POC1B: variants seen among roughly 807,000 people sequenced by gnomAD.
POC1B encodes POC1 centriolar protein homolog B.
A neutral mutation model predicts 60.6 loss-of-function variants in POC1B; 44 were observed. The ratio of observed to expected loss-of-function variants is 0.73; its 90% CI spans 0.57 to 0.93. The LOEUF is 0.93. Ranked by LOEUF, POC1B falls within the 40% of genes least tolerant of loss-of-function variation. The pLI, the probability that POC1B is intolerant of heterozygous loss-of-function variation, is 0.00. For missense variants in POC1B, 555 were observed against 572.3 expected, an observed-to-expected ratio of 0.97 and a Z score of 0.31; for synonymous variants, 180 against 198.9, an observed-to-expected ratio of 0.90 and a Z score of 0.80.
intron 7 of POC1B, among the ~76,000 whole-genome samples, chr12:89,469,620 T>G (rs561570913): frequency 1.3e-5 from 2 of 152,068 alleles, no homozygotes; most frequent in Non-Finnish European, 2.9e-5. Context: ...GCTTACCCAA[T>G]TTCTCCTAAA....
intron 2 of POC1B, among the ~76,000 whole-genome samples, chr12:89,498,478 A>T (rs1218981580): frequency 6.6e-6 from 1 of 152,216 alleles, no homozygotes; most frequent in Non-Finnish European, 1.5e-5. Context: ...AATGTTATAA[A>T]TTCGAACACA....
chr12:89,473,147 A>C (rs1263549267), intron 4 of POC1B, among the ~76,000 whole-genome samples: 1 of 152,166 alleles, frequency 6.6e-6, no homozygotes, highest in African/African-American at 2.4e-5. Flanking sequence ...TGGGTCACAG[A>C]CTATATTTCA....
chr12:89,407,939 A>G, the POC1B span, among the ~76,000 whole-genome samples: 1 of 152,110 alleles, frequency 6.6e-6, no homozygotes, highest in African/African-American at 2.4e-5. Flanking sequence ...TATTTCCGCT[A>G]ATGCTATCCC....
chr12:89,415,869 ACTGT>A (rs3990313), downstream of POC1B, among the ~76,000 whole-genome samples: 23,575 of 152,102 alleles, frequency 0.15, 2,355 homozygotes, highest in Admixed American at 0.22. Context: ...GGCTTATAAG[ACTGT>A]CTACGTAACT....
intron 2 of POC1B, chr12:89,501,776 A>C: frequency 9.9e-7 from 1 of 1,011,206 alleles, no homozygotes; most frequent in African/African-American, 1.6e-5. Flanking sequence ...AACAGTAGGC[A>C]AAAATCTGCT....
chr12:89,501,426 T>C, intron 2 of POC1B: 3 of 987,348 alleles, frequency 3.0e-6, no homozygotes, highest in East Asian at 2.4e-5. Flanking sequence ...AGACTAAAGA[T>C]GAAAACATAC....
At chr12:89,411,480 A>T in the POC1B span, among the ~76,000 whole-genome samples, 1 of 152,174 alleles carries the variant, frequency 6.6e-6, no homozygotes, top group Non-Finnish European at 1.5e-5. Context: ...ATAAGTTTGT[A>T]CTGGATTGGA....
intron 10 of POC1B, among the ~76,000 whole-genome samples, chr12:89,447,363 T>C (rs1452518036): frequency 1.3e-5 from 2 of 152,178 alleles, no homozygotes; most frequent in Non-Finnish European, 2.9e-5. Context: ...AAGTGATTTC[T>C]AGAAAAGGAA....
the POC1B span, among the ~76,000 whole-genome samples, chr12:89,405,209 A>T: frequency 6.6e-6 from 1 of 152,252 alleles, no homozygotes; most frequent in Non-Finnish European, 1.5e-5. Context: ...TGGTTGATGG[A>T]AGGAAATTCT....
In POC1B at chr12:89,420,144, A is replaced by T. The variant is rs1880469014; in HGVS notation, c.*1009T>A. On this transcript the variant is annotated 3_prime_UTR_variant, in exon 12 of 12. Coordinates refer to ENST00000313546, the MANE Select transcript of POC1B (RefSeq NM_172240.3). ...CTTGCTTTTCTTCAATTTAATCTCA[A>T]TTTGGTTTAAAATAAAGCAAAATTC... 6.6e-6 allele frequency: 1 copy of T among 152,192 alleles called. No individual in the cohort carries two copies. The highest frequency in any genetic ancestry group is 2.4e-5 in the African/African-American group (1 of 41,442). 9.4% of individuals were successfully genotyped at this position (152,192 alleles called of 1,614,324 possible). A position where few individuals can be genotyped will look rare whatever the true frequency, so the allele number is the denominator to read the frequency against.
chr12:89,425,026 C>T, intron 11 of POC1B, 135 bp downstream of exon 11: 2 of 790,844 alleles, frequency 2.5e-6, no homozygotes, highest in Non-Finnish European at 4.1e-6. Context: ...TTGTTTAGGG[C>T]ATTGCCACCT....
At chr12:89,459,062 A>G (rs770940123) in intron 10 of POC1B, among the ~76,000 whole-genome samples, 10 of 152,196 alleles carry the variant, frequency 6.6e-5, no homozygotes, top group African/African-American at 9.7e-5. Flanking sequence ...ACAGCTTCTA[A>G]TGAGAAGACT....
rs1439256049 is a variant in POC1B, at chr12:89,514,410, T to TTTTTTTC, written c.100+10709_100+10710insGAAAAAA. On this transcript the variant is annotated intron_variant, in intron 2 of 11. Transcript: ENST00000313546. ...CTCAGTTTCATGTATTTCTTTTTTT[T>TTTTTTTC]TTTTTTTTTTTTTTTTTAGACGAAG... is the stretch of plus-strand genomic sequence containing the variant. Among the ~76,000 whole-genome samples, 17 of 132,872 alleles carry TTTTTTTC rather than the reference T, an allele frequency of 1.3e-4. 2 individuals are homozygous for TTTTTTTC. Among genetic ancestry groups the TTTTTTTC allele is most frequent in the Non-Finnish European group, 2.1e-4 (13 of 61,660 alleles). The allele number at this position is 132,872 out of a possible 152,430, so 87.2% of individuals were successfully genotyped here.
In POC1B at chr12:89,463,148, TC is replaced by T. The variant is rs200037922; in HGVS notation, c.1033-3431del. On this transcript the variant is annotated intron_variant, in intron 9 of 11. Coordinates refer to ENST00000313546, the MANE Select transcript of POC1B (RefSeq NM_172240.3). The stretch of plus-strand genomic sequence containing the variant: ...TATTTGGTTAAGGTAAAGGACATTT[TC>T]CTTCCTGCTAAATATCATACAGAAT... 8.3e-4 allele frequency among the ~76,000 whole-genome samples: 126 copies of T among 152,310 alleles called. 1 individual carries two copies. In the East Asian group the frequency reaches 0.02, roughly 24 times the overall value.
intron 2 of POC1B, among the ~76,000 whole-genome samples, chr12:89,517,687 T>C (rs1870512026): frequency 6.6e-6 from 1 of 152,206 alleles, no homozygotes; most frequent in Non-Finnish European, 1.5e-5. Flanking sequence ...TTTGACTATT[T>C]TCCTTTGTTT....
chr12:89,432,194 G>T (rs1881059569), intron 10 of POC1B, among the ~76,000 whole-genome samples: 1 of 151,596 alleles, frequency 6.6e-6, no homozygotes, highest in African/African-American at 2.4e-5. Context: ...GACCAGCCTG[G>T]GCAACACGGT....
chr12:89,513,124 C>A (rs1188391757), intron 2 of POC1B, among the ~76,000 whole-genome samples: 1 of 151,976 alleles, frequency 6.6e-6, no homozygotes, highest in Non-Finnish European at 1.5e-5. Flanking sequence ...TCTGTTACTA[C>A]CTCTCAGTGT....
At chr12:89,411,837 T>C in the POC1B span, among the ~76,000 whole-genome samples, 2 of 152,330 alleles carry the variant, frequency 1.3e-5, 1 homozygote, top group South Asian at 4.1e-4. Context: ...ACAGTTGTTA[T>C]TAGTGTTCTG....
At chr12:89,525,037 G>A in intron 2 of POC1B, 83 bp downstream of exon 2, 2 of 1,580,668 alleles carry the variant, frequency 1.3e-6, no homozygotes, top group Non-Finnish European at 8.6e-7. Context: ...CGTTCTCCTA[G>A]GGACCCTGCC....
Sources: allele counts gnomAD v4.1 joint callset (sites outside exome capture counted in the v4.1 genomes callset), GRCh38; gene constraint gnomAD v4.1.1; transcripts MANE v1.5; gene names NCBI Gene and HGNC (gene_info 2026-07-23, HGNC 2026-07-21).